TPH2: variants seen among roughly 807,000 people sequenced by gnomAD.
The protein encoded by TPH2 is tryptophan 5-hydroxylase 2.
In TPH2, 27 loss-of-function variants were observed where a neutral mutation model predicts 59.1. That is an observed-to-expected ratio of 0.46 (90% CI 0.34 to 0.63). The LOEUF (loss-of-function observed/expected upper bound fraction) is 0.63, where lower values mean the gene tolerates loss of function less well. Among genes scored for constraint, TPH2 ranks in the 30% least tolerant of loss-of-function variants. The pLI, the probability that TPH2 is intolerant of heterozygous loss-of-function variation, is 0.01. For missense variants in TPH2, 523 were observed against 588.3 expected, an observed-to-expected ratio of 0.89 and a Z score of 1.15; for synonymous variants, 220 against 210.5, an observed-to-expected ratio of 1.05 and a Z score of -0.39.
At chr12:71,993,311 A>G (rs566865291) in intron 7 of TPH2, among the ~76,000 whole-genome samples, 8 of 152,234 alleles carry the variant, frequency 5.3e-5, no homozygotes, top group Non-Finnish European at 1.0e-4. Flanking sequence ...TCTAGCAGCT[A>G]TTTGAAGTGA....
chr12:71,964,481 G>A, intron 5 of TPH2: 1 of 980,358 alleles, frequency 1.0e-6, no homozygotes, highest in Non-Finnish European at 1.2e-6. Context: ...TGTATTTTTA[G>A]TTGATGCAGA....
intron 9 of TPH2, among the ~76,000 whole-genome samples, chr12:72,024,490 G>C (rs11179063): frequency 0.019 from 2,915 of 152,306 alleles, 101 homozygotes; most frequent in African/African-American, 0.067. Context: ...GTTAATCTTA[G>C]TGCAGTGGGC....
intron 2 of TPH2, 29 bp downstream of exon 2, chr12:71,941,762 T>G: frequency 6.2e-7 from 1 of 1,607,352 alleles, no homozygotes; most frequent in Non-Finnish European, 8.5e-7. Flanking sequence ...TACATAATTT[T>G]AAAAGTGACC....
At chr12:71,948,778 G>A (rs1379340993) in intron 4 of TPH2, among the ~76,000 whole-genome samples, 1 of 152,200 alleles carries the variant, frequency 6.6e-6, no homozygotes, top group Non-Finnish European at 1.5e-5. Flanking sequence ...CCAACAGCTA[G>A]AAGAAACAAC....
chr12:71,944,487 G>C lies in TPH2; in HGVS notation c.439+10G>C, dbSNP rs1325387946. On this transcript the variant is annotated intron_variant, in intron 3 of 10. Coordinates refer to ENST00000333850, the MANE Select transcript of TPH2 (RefSeq NM_173353.4). ...TGGACAGAGGAAGAAGGCAAGGGTG[G>C]TCTTAGCTTGTCGGGTAACTTTGCA... 1 of 1,613,946 alleles carries C rather than the reference G, an allele frequency of 6.2e-7. No homozygotes were observed. The highest frequency in any genetic ancestry group is 1.1e-5 in the South Asian group (1 of 91,086).
In TPH2 at chr12:71,974,992, C is replaced by T. The variant is rs74644544; in HGVS notation, c.805+2277C>T. The stretch of plus-strand genomic sequence containing the variant: ...CAGTTGGTAAATATTTTAGGCTTTT[C>T]GGGCCAAGAGGCAAAATCAAGGCTA... On this transcript the variant is annotated intron_variant, in intron 6 of 10. Coordinates refer to ENST00000333850, the MANE Select transcript of TPH2 (RefSeq NM_173353.4). Among the ~76,000 whole-genome samples the T allele has an allele frequency of 8.0e-3, 1,215 of 152,130 alleles. 11 individuals are homozygous for T. Among genetic ancestry groups the T allele is most frequent in the African/African-American group, 0.013 (555 of 41,486 alleles).
intron 9 of TPH2, among the ~76,000 whole-genome samples, chr12:72,029,591 A>G (rs1228205179): frequency 6.6e-6 from 1 of 152,198 alleles, no homozygotes; most frequent in Non-Finnish European, 1.5e-5. Flanking sequence ...AAATCCCTTG[A>G]TGTTCACTGC....
chr12:71,984,548 C>T (rs1219786437), intron 7 of TPH2, among the ~76,000 whole-genome samples: 2 of 152,180 alleles, frequency 1.3e-5, no homozygotes, highest in Non-Finnish European at 2.9e-5. Flanking sequence ...GTCTTCTCAG[C>T]ATGGTCTTCC....
chr12:71,991,497 G>A (rs917428459), intron 7 of TPH2, among the ~76,000 whole-genome samples: 1 of 152,110 alleles, frequency 6.6e-6, no homozygotes, highest in Non-Finnish European at 1.5e-5. Context: ...GTATTTTCTT[G>A]GAGTTTGACA....
At chr12:72,022,614 G>C (rs1873450675) in intron 9 of TPH2, 120 bp downstream of exon 9, 1 of 875,058 alleles carries the variant, frequency 1.1e-6, no homozygotes, top group Non-Finnish European at 1.9e-6. Flanking sequence ...TTAACATAGA[G>C]GATTTGGCAC....
intron 4 of TPH2, among the ~76,000 whole-genome samples, chr12:71,946,313 A>G (rs543105347): frequency 2.0e-5 from 3 of 152,328 alleles, no homozygotes; most frequent in Admixed American, 2.0e-4. Context: ...ATAACCTCCT[A>G]TTTCCAAATG....
At chr12:71,945,454 C>T (rs1871174327) in intron 4 of TPH2, among the ~76,000 whole-genome samples, 1 of 152,020 alleles carries the variant, frequency 6.6e-6, no homozygotes, top group South Asian at 2.1e-4. Flanking sequence ...TGCCCCTTGT[C>T]TAAAAATGGG....
intron 9 of TPH2, among the ~76,000 whole-genome samples, chr12:72,024,607 T>C (rs917089817): frequency 2.6e-5 from 4 of 152,206 alleles, no homozygotes; most frequent in Non-Finnish European, 4.4e-5. Flanking sequence ...ATGTAGCTCT[T>C]GAGCTGTGTC....
chr12:72,010,422 G>A (rs181286420), intron 8 of TPH2, among the ~76,000 whole-genome samples: 12 of 152,302 alleles, frequency 7.9e-5, no homozygotes, highest in Admixed American at 7.2e-4. Context: ...TACACATATA[G>A]ATGCTTGGTG....
intron 4 of TPH2, among the ~76,000 whole-genome samples, chr12:71,944,944 A>G (rs1478077644): frequency 6.6e-6 from 1 of 152,206 alleles, no homozygotes; most frequent in East Asian, 1.9e-4. Flanking sequence ...ACCTTGGAGA[A>G]TATTTCTGTG....
intron 5 of TPH2, among the ~76,000 whole-genome samples, chr12:71,957,914 T>C (rs1871556852): frequency 6.6e-6 from 1 of 152,216 alleles, no homozygotes; most frequent in African/African-American, 2.4e-5. Context: ...GGTAAAAATG[T>C]TCATTATGTT....
rs1001060328 is a variant in TPH2, at chr12:72,019,066, A to G, written c.1069-3333A>G. On this transcript the variant is annotated intron_variant, in intron 8 of 10. Transcript: ENST00000333850. ...ATGATTACTTCCCTTCATTGCACCC[A>G]GAATTATGCAAATTTTTTAGAGGAT... Among the ~76,000 whole-genome samples the G allele has an allele frequency of 3.3e-5, 5 of 152,332 alleles. No homozygotes were observed. The East Asian group carries it at 5.8e-4, about 18-fold the overall frequency.
chr12:71,972,737 C>T (rs1217747446), intron 6 of TPH2, 22 bp downstream of exon 6: 4 of 1,609,950 alleles, frequency 2.5e-6, no homozygotes, highest in Non-Finnish European at 3.4e-6. Flanking sequence ...CACAGGCTGT[C>T]TCTTATTAGT....
At chr12:71,953,179 A>G (rs1467173382) in intron 5 of TPH2, among the ~76,000 whole-genome samples, 2 of 150,256 alleles carry the variant, frequency 1.3e-5, no homozygotes, top group African/African-American at 4.9e-5. Flanking sequence ...TTTTTTGCAC[A>G]TGGGAAGCTG....
Sources: gnomAD v4.1 joint callset for allele counts (sites outside exome capture counted in the v4.1 genomes callset) on GRCh38, gnomAD v4.1.1 for gene constraint, MANE v1.5 for transcripts, NCBI Gene and HGNC (gene_info 2026-07-23, HGNC 2026-07-21) for gene names.